EPHB2: variants seen among roughly 807,000 people sequenced by gnomAD.
EPHB2 encodes ephrin type-B receptor 2.
In EPHB2, 18 loss-of-function variants were observed where a neutral mutation model predicts 96.4. That is an observed-to-expected ratio of 0.19 (90% CI 0.13 to 0.28). The LOEUF (loss-of-function observed/expected upper bound fraction) is 0.28. EPHB2 is among the 10% of genes least tolerant of loss of function. EPHB2 has a pLI of 1.00. For synonymous variants in EPHB2, 506 were observed against 534.1 expected (o/e 0.95, Z 0.72); for missense variants, 989 against 1,355.4 (o/e 0.73, Z 4.25).
chr1:22,867,484 C>T (rs16827686), intron 5 of EPHB2, among the ~76,000 whole-genome samples: 1,992 of 152,198 alleles, frequency 0.013, 42 homozygotes, highest in African/African-American at 0.042. Context: ...TTGTGACTGA[C>T]TGCCTATAGT....
intron 1 of EPHB2, among the ~76,000 whole-genome samples, chr1:22,749,590 C>T (rs1644031564): frequency 6.6e-6 from 1 of 152,156 alleles, no homozygotes; most frequent in East Asian, 1.9e-4. Flanking sequence ...CTCCCATTGC[C>T]AGGGGAGCTG....
chr1:22,912,932 T>C (rs1030118978), intron 15 of EPHB2: 1 of 385,022 alleles, frequency 2.6e-6, no homozygotes, highest in Non-Finnish European at 5.0e-6. Context: ...CAGTGGCTCA[T>C]GCCTGTAATC....
At chr1:22,896,371 G>A (rs1389194608) in intron 8 of EPHB2, 43 bp from the exon 9 acceptor site, 25 of 1,613,674 alleles carry the variant, frequency 1.5e-5, no homozygotes, top group Non-Finnish European at 2.1e-5. Context: ...CAGCTCCCTG[G>A]GCGCCTTCAG....
chr1:22,762,054 G>A lies in EPHB2; in HGVS notation c.62-19367G>A, dbSNP rs76263470. 8.7e-3 allele frequency among the ~76,000 whole-genome samples: 1,319 copies of A among 152,354 alleles called. 12 individuals are homozygous for A. The highest frequency in any genetic ancestry group is 0.014 in the Middle Eastern group (4 of 294). ...AAATAGCTCAATTGGGATTCCGAGCGGGGCTCTGAGGCCTGCTGTGGCAGA... is the reference window on the plus strand; with the variant it reads ...AAATAGCTCAATTGGGATTCCGAGCAGGGCTCTGAGGCCTGCTGTGGCAGA... On this transcript the variant is annotated intron_variant, in intron 1 of 15. Coordinates refer to ENST00000374630, the MANE Select transcript of EPHB2 (RefSeq NM_017449.5).
chr1:22,855,125 G>A lies in EPHB2; in HGVS notation c.812-7912G>A, dbSNP rs561197262. ...CAGCGCCTTCCTTGGATTGTGGATTGAATGATTGGATTGAATTGTGTGTAT... is the reference window on the plus strand; with the variant it reads ...CAGCGCCTTCCTTGGATTGTGGATTAAATGATTGGATTGAATTGTGTGTAT... On this transcript the variant is annotated intron_variant, in intron 3 of 15. Coordinates refer to ENST00000374630, the MANE Select transcript of EPHB2 (RefSeq NM_017449.5). Among the ~76,000 whole-genome samples, 22 of 152,348 alleles carry A rather than the reference G, an allele frequency of 1.4e-4. No individual in the cohort carries two copies. In the East Asian group the frequency reaches 3.7e-3, roughly 25 times the overall value.
rs183211077 is a variant in EPHB2 at position 22,838,045 on chromosome 1, C to T, written c.812-24992C>T. Among the ~76,000 whole-genome samples, 194 of 152,100 alleles carry T rather than the reference C, an allele frequency of 1.3e-3. 1 individual carries two copies. The highest frequency in any genetic ancestry group is 4.4e-3 in the African/African-American group (183 of 41,470). The stretch of plus-strand genomic sequence containing the variant: ...TTTCCTGAAAAAGCAGAGGTGGCCA[C>T]GAGGAAAGAGATGGAATCAAACTTA... On this transcript the variant is annotated intron_variant, in intron 3 of 15. Transcript: ENST00000374630.
intron 1 of EPHB2, among the ~76,000 whole-genome samples, chr1:22,773,428 C>G (rs570659646): frequency 1.3e-5 from 2 of 152,300 alleles, no homozygotes; most frequent in South Asian, 4.2e-4. Flanking sequence ...CAACAGGAAC[C>G]GCTGGGAAGA....
chr1:22,798,013 A>G (rs1379947547), intron 3 of EPHB2, among the ~76,000 whole-genome samples: 2 of 152,014 alleles, frequency 1.3e-5, no homozygotes, highest in Non-Finnish European at 2.9e-5. Flanking sequence ...CCTAATCACC[A>G]TCTGACGTAC....
chr1:22,880,642 T>C (rs11807221), intron 5 of EPHB2, among the ~76,000 whole-genome samples: 24,406 of 152,248 alleles, frequency 0.16, 2,774 homozygotes, highest in East Asian at 0.62. Flanking sequence ...GATGCAGACC[T>C]GGGTCCAAAT....
At chr1:22,800,516 A>C (rs898150803) in intron 3 of EPHB2, among the ~76,000 whole-genome samples, 6 of 152,148 alleles carry the variant, frequency 3.9e-5, no homozygotes, top group Non-Finnish European at 7.4e-5. Flanking sequence ...ATCTGTGTGT[A>C]CACGCCACTG....
chr1:22,892,431 A>T (rs1363441086), intron 6 of EPHB2, among the ~76,000 whole-genome samples: 5 of 152,278 alleles, frequency 3.3e-5, no homozygotes, highest in Non-Finnish European at 5.9e-5. Context: ...TTTCTTGACC[A>T]TGGGTTTATG....
chr1:22,713,815 G>A (rs977752567), intron 1 of EPHB2, among the ~76,000 whole-genome samples: 4 of 152,228 alleles, frequency 2.6e-5, no homozygotes, highest in African/African-American at 7.2e-5. Flanking sequence ...CCTTCGGAAT[G>A]GGGGAGAGGA....
intron 3 of EPHB2, among the ~76,000 whole-genome samples, chr1:22,796,235 G>A (rs1378767458): frequency 1.3e-5 from 2 of 152,268 alleles, no homozygotes; most frequent in East Asian, 1.9e-4. Flanking sequence ...TTAGGACGAC[G>A]GGGAGAAACA....
intron 4 of EPHB2, among the ~76,000 whole-genome samples, chr1:22,863,974 G>A (rs976991970): frequency 6.6e-6 from 1 of 151,088 alleles, no homozygotes; most frequent in Non-Finnish European, 1.5e-5. Context: ...GAATCTTCCC[G>A]CATCCTCCCA....
chr1:22,802,210 A>G (rs1339113647), intron 3 of EPHB2, among the ~76,000 whole-genome samples: 1 of 151,960 alleles, frequency 6.6e-6, no homozygotes, highest in African/African-American at 2.4e-5. Flanking sequence ...CCCATGGGGG[A>G]AATGATGGCC....
rs370900320 is a variant in EPHB2, at chr1:22,907,982, G to A, written c.2166G>A (p.Gln722=). The change falls in exon 12 of 16, where the codon CAG becomes CAA. Residue 722 remains glutamine (Q), a synonymous_variant. Transcript: ENST00000374630. ...ACGATGGGCAGTTCACAGTCATCCA[G>A]CTGGTGGGCATGCTTCGGGGCATCG... is the stretch of plus-strand genomic sequence containing the variant. The part of the protein sequence containing the change: ...RQNDGQFTVI[Q]LVGMLRGIAA... 11 of 1,614,258 alleles carry A rather than the reference G, an allele frequency of 6.8e-6. No individual in the cohort carries two copies. Among genetic ancestry groups the A allele is most frequent in the Non-Finnish European group, 9.3e-6 (11 of 1,180,054 alleles).
rs1034382354 is a variant in EPHB2, at chr1:22,914,940, A to G, written c.*1370A>G. The G allele has an allele frequency of 1.3e-5, 2 of 152,604 alleles. No individual in the cohort carries two copies. Among genetic ancestry groups the G allele is most frequent in the Admixed American group, 6.5e-5 (1 of 15,274 alleles). The allele number at this position is 152,604 out of a possible 1,614,324, so 9.5% of individuals were successfully genotyped here. A position where few individuals can be genotyped will look rare whatever the true frequency, so the allele number is the denominator to read the frequency against. Reference sequence around the variant, plus strand: ...GCCCACTTCCCACTCTCCTGCCCCAATCTATCTAGTACTTCCCAGGCAAAT... The same window carrying G: ...GCCCACTTCCCACTCTCCTGCCCCAGTCTATCTAGTACTTCCCAGGCAAAT... On this transcript the variant is annotated 3_prime_UTR_variant, in exon 16 of 16. Transcript: ENST00000374630.
chr1:22,744,269 A>G (rs1435688864), intron 1 of EPHB2, among the ~76,000 whole-genome samples: 1 of 151,952 alleles, frequency 6.6e-6, no homozygotes, highest in Non-Finnish European at 1.5e-5. Flanking sequence ...TATTTAGTAC[A>G]TTTGACCCTT....
At chr1:22,834,446 T>C (rs1005156954) in intron 3 of EPHB2, among the ~76,000 whole-genome samples, 13 of 152,218 alleles carry the variant, frequency 8.5e-5, no homozygotes, top group Non-Finnish European at 1.8e-4. Context: ...AGTTTCCTTA[T>C]GTAAAACATG....
Sources: allele counts gnomAD v4.1 joint callset (sites outside exome capture counted in the v4.1 genomes callset), GRCh38; gene constraint gnomAD v4.1.1; transcripts MANE v1.5; gene names NCBI Gene and HGNC (gene_info 2026-07-23, HGNC 2026-07-21).